Variants in AOC2 observed in about 807,000 individuals in gnomAD.
The protein encoded by AOC2 is amine oxidase [copper-containing] 2.
In AOC2, 57 loss-of-function variants were observed where a neutral mutation model predicts 53.8. That is an observed-to-expected ratio of 1.06 (90% CI 0.86 to 1.32). The LOEUF (loss-of-function observed/expected upper bound fraction) is 1.32, where lower values mean the gene tolerates loss of function less well. AOC2 is among the 40% of genes most tolerant of loss of function. AOC2 has a pLI of 0.00. For missense variants in AOC2, 1,008 were observed against 957.2 expected (o/e 1.05, Z -0.70); for synonymous variants, 404 against 399.0 (o/e 1.01, Z -0.15).
chr17:42,845,830 G>A lies in AOC2; in HGVS notation c.1204G>A (p.Ala402Thr). The stretch of plus-strand genomic sequence containing the variant: ...GCGGGGAGTGGACTGCCCCTATCAA[G>A]CCACGATGGTGGACATCCATATATT... The part of the protein sequence containing the change: ...LVRGVDCPYQ[A>T]TMVDIHILVG... The change falls in exon 1 of 4, where the codon GCC (alanine) becomes ACC (threonine). Residue 402 changes from alanine (A) to threonine (T), a missense_variant. By Grantham distance (58) the Ala-to-Thr change is moderately conservative. Coordinates refer to ENST00000253799, the MANE Select transcript of AOC2 (RefSeq NM_009590.4). 6.2e-7 allele frequency: 1 copy of A among 1,614,186 alleles called. No individual in the cohort carries two copies. Among genetic ancestry groups the A allele is most frequent in the Non-Finnish European group, 8.5e-7 (1 of 1,180,036 alleles).
Position 42,849,084 on chromosome 17 carries a change from AG to A in AOC2, c.1590del, listed in dbSNP as rs757943080. Reference sequence around the variant, plus strand: ...CTCATCTCCTTTCCCTCCCCCTGGCAGGGCTGAAAAACTGGGTGGTAGCTGA... The same window carrying A: ...CTCATCTCCTTTCCCTCCCCCTGGCAGGCTGAAAAACTGGGTGGTAGCTGA... On this transcript the variant is annotated splice_acceptor_variant, in intron 1 of 3. Transcript: ENST00000253799. LOFTEE classifies it high-confidence loss of function. The A allele has an allele frequency of 4.9e-5, 78 of 1,606,408 alleles. No homozygotes were observed. The African/African-American group carries it at 8.0e-4, about 17-fold the overall frequency.
Position 42,849,094 on chromosome 17 carries a change from AACTGGGTGGT to A in AOC2, c.1599_1608del (p.Asn533LysfsTer25). 1 of 1,607,750 alleles carries A rather than the reference AACTGGGTGGT, an allele frequency of 6.2e-7. No homozygotes were observed. The highest frequency in any genetic ancestry group is 1.1e-5 in the South Asian group (1 of 90,904). On this transcript the variant is annotated frameshift_variant, in exon 2 of 4. Coordinates refer to ENST00000253799, the MANE Select transcript of AOC2 (RefSeq NM_009590.4). LOFTEE classifies it high-confidence loss of function. ...TTCCCTCCCCCTGGCAGGGCTGAAAAACTGGGTGGTAGCTGAAGACGTGGTGTTTAAACCT... is the reference window on the plus strand; with the variant it reads ...TTCCCTCCCCCTGGCAGGGCTGAAAAAGCTGAAGACGTGGTGTTTAAACCT...
intron 1 of AOC2, among the ~76,000 whole-genome samples, chr17:42,848,566 T>TATATATACACGTATA (rs2055618360): frequency 1.4e-5 from 2 of 145,742 alleles, no homozygotes; most frequent in African/African-American, 5.2e-5. Flanking sequence ...TATATATATA[T>TATATATACACGTATA]TTTAGACAGA....
chr17:42,849,073 CT>C lies in AOC2; in HGVS notation c.1589-12del. 6.2e-7 allele frequency: 1 copy of C among 1,600,546 alleles called. No individual in the cohort carries two copies. The highest frequency in any genetic ancestry group is 8.5e-7 in the Non-Finnish European group (1 of 1,170,834). On this transcript the variant is annotated splice_polypyrimidine_tract_variant and intron_variant, in intron 1 of 3. Transcript: ENST00000253799. The stretch of plus-strand genomic sequence containing the variant: ...CTGGTGTGGAACTCATCTCCTTTCC[CT>C]CCCCCTGGCAGGGCTGAAAAACTGG...
chr17:42,847,419 A>G lies in AOC2; in HGVS notation c.1588+1205A>G, dbSNP rs867347588. Among the ~76,000 whole-genome samples, 11 of 152,338 alleles carry G rather than the reference A, an allele frequency of 7.2e-5. No individual in the cohort carries two copies. The Middle Eastern group carries it at 0.01, about 141-fold the overall frequency. ...CCTTCATATAGGTCTCGTTGAACTT[A>G]CAGTCCAGACCTGCAGAAAGTGTAT... On this transcript the variant is annotated intron_variant, in intron 1 of 3. Coordinates refer to ENST00000253799, the MANE Select transcript of AOC2 (RefSeq NM_009590.4).
chr17:42,846,020 A>G lies in AOC2; in HGVS notation c.1394A>G (p.Tyr465Cys), dbSNP rs553414499. ...AGGTCTGTGTCATCTGTGGGCAACT[A>G]TGACTACATTTGGGACTTTGTGTTG... is the stretch of plus-strand genomic sequence containing the variant. ...VVRSVSSVGN[Y>C]DYIWDFVLYP... The change falls in exon 1 of 4, where the codon TAT becomes TGT. Residue 465 changes from tyrosine (Y) to cysteine (C), a missense_variant. Coordinates refer to ENST00000253799, the MANE Select transcript of AOC2 (RefSeq NM_009590.4). The G allele has an allele frequency of 1.2e-6, 2 of 1,613,822 alleles. No homozygotes were observed. Among genetic ancestry groups the G allele is most frequent in the African/African-American group, 1.3e-5 (1 of 75,014 alleles).
At chr17:42,849,956 G>T in intron 3 of AOC2, 126 bp from the exon 4 acceptor site, 3 of 1,376,194 alleles carry the variant, frequency 2.2e-6, no homozygotes, top group Non-Finnish European at 3.0e-6. Context: ...ATTGCTCCAC[G>T]TGTTGTATGG....
rs1023430671 is a variant in AOC2 at position 42,845,474 on chromosome 17, T to TTA, written c.849_850dup (p.Arg284IlefsTer14). On this transcript the variant is annotated frameshift_variant, in exon 1 of 4. Coordinates refer to ENST00000253799, the MANE Select transcript of AOC2 (RefSeq NM_009590.4). LOFTEE classifies it high-confidence loss of function. ...TTTAAGTCTGGCCGGTTGGAAGTGG[T>TTA]TAGAGTCCCTCTACCTCCACCAAAT... The TTA allele has an allele frequency of 6.2e-6, 10 of 1,614,000 alleles. No individual in the cohort carries two copies. Among genetic ancestry groups the TTA allele is most frequent in the Non-Finnish European group, 6.8e-6 (8 of 1,180,024 alleles).
Position 42,850,602 on chromosome 17 carries a change from C to T in AOC2, c.*254C>T, listed in dbSNP as rs1293974296. 2.5e-6 allele frequency: 1 copy of T among 395,034 alleles called. No individual in the cohort carries two copies. The highest frequency in any genetic ancestry group is 2.1e-5 in the African/African-American group (1 of 48,624). The allele number at this position is 395,034 out of a possible 1,614,324, so 24.5% of individuals were successfully genotyped here. Reference sequence around the variant, plus strand: ...CCTACTACTCAGAAATAGGTGGTCACATTACATCAGACATCTCTTTATGCA... The same window carrying T: ...CCTACTACTCAGAAATAGGTGGTCATATTACATCAGACATCTCTTTATGCA... On this transcript the variant is annotated 3_prime_UTR_variant, in exon 4 of 4. Transcript: ENST00000253799.
Position 42,844,583 on chromosome 17 carries a change from A to G in AOC2, c.-44A>G, listed in dbSNP as rs1264590325. The G allele has an allele frequency of 1.3e-6, 2 of 1,559,766 alleles. No individual in the cohort carries two copies. Among genetic ancestry groups the G allele is most frequent in the South Asian group, 1.2e-5 (1 of 83,590 alleles). On this transcript the variant is annotated 5_prime_UTR_variant, in exon 1 of 4. Coordinates refer to ENST00000253799, the MANE Select transcript of AOC2 (RefSeq NM_009590.4). The stretch of plus-strand genomic sequence containing the variant: ...CCCCGACTTGATGTCAGTAACTGGA[A>G]GGAGCAGCTGTTAGAATTCTGATTT...
At chr17:42,848,544 T>TATATATATATATATATATATATATATAC (rs1181397569) in intron 1 of AOC2, among the ~76,000 whole-genome samples, 43 of 129,850 alleles carry the variant, frequency 3.3e-4, no homozygotes, top group Admixed American at 5.1e-4. Context: ...TATATATATA[T>TATATATATATATATATATATATATATAC]ACATATATAT....
Position 42,845,264 on chromosome 17 carries a change from G to A in AOC2, c.638G>A (p.Arg213His), listed in dbSNP as rs376110853. 1.2e-5 allele frequency: 20 copies of A among 1,614,000 alleles called. No individual in the cohort carries two copies. Among genetic ancestry groups the A allele is most frequent in the African/African-American group, 2.7e-5 (2 of 74,932 alleles). ...GTGCATGCCACCCCTCGGGGCTTGC[G>A]CTCAGGGGACCGAGCTACCTGGATG... ...AAVHATPRGL[R>H]SGDRATWMAL... Residue 213 changes from arginine (R) to histidine (H), a missense_variant, in exon 1 of 4, where the codon CGC becomes CAC. Arg to His is a conservative substitution (Grantham distance 29, BLOSUM62 0). Transcript: ENST00000253799.
At position 42,845,785 on chromosome 17, in the gene AOC2, CG is replaced by C; in HGVS notation, c.1160del (p.Arg387LeufsTer24). On this transcript the variant is annotated frameshift_variant, in exon 1 of 4. Transcript: ENST00000253799. LOFTEE classifies it high-confidence loss of function. ...RYLDSSFGLGRNSRGLVRGVD... is the reference protein window; with the variant it reads ...RYLDSSFGLGXNSRGLVRGVD... ...TTTGGATAGCAGCTTTGGACTCGGC[CG>C]TAACAGCCGAGGCTTGGTGCGGGGA... is the stretch of plus-strand genomic sequence containing the variant. 1 of 1,614,148 alleles carries C rather than the reference CG, an allele frequency of 6.2e-7. No homozygotes were observed. Among genetic ancestry groups the C allele is most frequent in the South Asian group, 1.1e-5 (1 of 91,084 alleles).
chr17:42,850,645 G>T lies in AOC2; in HGVS notation c.*297G>T, dbSNP rs1451554019. 3.6e-6 allele frequency: 1 copy of T among 276,424 alleles called. No homozygotes were observed. Among genetic ancestry groups the T allele is most frequent in the African/African-American group, 2.2e-5 (1 of 45,702 alleles). The allele number at this position is 276,424 out of a possible 1,614,324, so 17.1% of individuals were successfully genotyped here. ...TTTATGCATGTGCATTCAAAAGGAA[G>T]AGTAGATAGAATTTTGTAAAACAGA... On this transcript the variant is annotated 3_prime_UTR_variant, in exon 4 of 4. Transcript: ENST00000253799.
chr17:42,845,014 C>A lies in AOC2; in HGVS notation c.388C>A (p.Pro130Thr), dbSNP rs1283314628. The A allele has an allele frequency of 2.5e-6, 4 of 1,613,620 alleles. No homozygotes were observed. Among genetic ancestry groups the A allele is most frequent in the Non-Finnish European group, 3.4e-6 (4 of 1,179,896 alleles). Residue 130 changes from proline (P) to threonine (T), a missense_variant, in exon 1 of 4, where the codon CCC becomes ACC. Coordinates refer to ENST00000253799, the MANE Select transcript of AOC2 (RefSeq NM_009590.4). ...GGCCATCGTCCTCTTTGGTGGACAACCCCAACCCAATGTGAGTGAGCTGGT... is the reference window on the plus strand; with the variant it reads ...GGCCATCGTCCTCTTTGGTGGACAAACCCAACCCAATGTGAGTGAGCTGGT... The part of the protein sequence containing the change: ...ALAIVLFGGQ[P>T]QPNVSELVVG...
Position 42,844,960 on chromosome 17 carries a change from G to T in AOC2, c.334G>T (p.Gly112Trp). The change falls in exon 1 of 4, where the codon GGG becomes TGG. Residue 112 changes from glycine (G) to tryptophan (W), a missense_variant. Physicochemically the swap from Gly to Trp is radical, Grantham distance 184. Coordinates refer to ENST00000253799, the MANE Select transcript of AOC2 (RefSeq NM_009590.4). ...KAAALAHLDR[G>W]SPPPAREALA... Reference sequence around the variant, plus strand: ...TGCAGCCCTGGCCCACCTGGACAGGGGGAGCCCCCCACCTGCCCGGGAGGC... The same window carrying T: ...TGCAGCCCTGGCCCACCTGGACAGGTGGAGCCCCCCACCTGCCCGGGAGGC... 6.2e-7 allele frequency: 1 copy of T among 1,611,400 alleles called. No homozygotes were observed. The highest frequency in any genetic ancestry group is 8.5e-7 in the Non-Finnish European group (1 of 1,178,318).
rs2144273157 is a variant in AOC2, at chr17:42,846,028, A to G, written c.1402A>G (p.Ile468Val). The G allele has an allele frequency of 6.2e-7, 1 of 1,613,296 alleles. No homozygotes were observed. The highest frequency in any genetic ancestry group is 1.3e-5 in the African/African-American group (1 of 75,038). Residue 468 changes from isoleucine (I) to valine (V), a missense_variant, in exon 1 of 4, where the codon ATT becomes GTT. Ile to Val is a conservative substitution (Grantham distance 29). Coordinates refer to ENST00000253799, the MANE Select transcript of AOC2 (RefSeq NM_009590.4). ...GTCATCTGTGGGCAACTATGACTAC[A>G]TTTGGGACTTTGTGTTGTACCCAAA... Reference protein sequence around the residue: ...SVSSVGNYDYIWDFVLYPNGA... With the variant: ...SVSSVGNYDYVWDFVLYPNGA...
Position 42,849,368 on chromosome 17 carries a change from G to A in AOC2, c.1871G>A (p.Gly624Glu), listed in dbSNP as rs2055627762. ...GACATGGAGAGGGCCCTCAGCTGGG[G>A]GAGGTGAGGAGGGCCCTGGCCTGGG... ...ESDMERALSW[G>E]RYQLVVTQRK... The change falls in exon 2 of 4, where the codon GGG (glycine) becomes GAG (glutamate). Residue 624 changes from glycine to glutamate, a missense_variant. Transcript: ENST00000253799. 4 of 1,610,564 alleles carry A rather than the reference G, an allele frequency of 2.5e-6. No individual in the cohort carries two copies. The Admixed American group carries it at 5.0e-5, about 20-fold the overall frequency.
At position 42,846,141 on chromosome 17, in the gene AOC2, C is replaced by T. The variant is rs1465911355; in HGVS notation, c.1515C>T (p.Asn505=). 2 of 1,566,254 alleles carry T rather than the reference C, an allele frequency of 1.3e-6. No individual in the cohort carries two copies. The change falls in exon 1 of 4, where the codon AAC becomes AAT. Residue 505 remains asparagine (N), a synonymous_variant. Coordinates refer to ENST00000253799, the MANE Select transcript of AOC2 (RefSeq NM_009590.4). ...KGGEEGLLFG[N]RVGERVLGTV... The stretch of plus-strand genomic sequence containing the variant: ...GAGAGGAGGGCCTCCTCTTTGGGAA[C>T]CGTGTGGGGGAAAGAGTGCTGGGAA...
Sources: allele counts gnomAD v4.1 joint callset (sites outside exome capture counted in the v4.1 genomes callset), GRCh38; gene constraint gnomAD v4.1.1; transcripts MANE v1.5; gene names NCBI Gene and HGNC (gene_info 2026-07-23, HGNC 2026-07-21).